The following FRK variants were observed in gnomAD, a reference collection of about 807,000 sequenced individuals.
The protein encoded by FRK is tyrosine-protein kinase FRK.
In FRK, 51 loss-of-function variants were observed where a neutral mutation model predicts 56.4. The ratio of observed to expected loss-of-function variants is 0.90; its 90% CI spans 0.72 to 1.14. The LOEUF (loss-of-function observed/expected upper bound fraction) is 1.14, where lower values mean the gene tolerates loss of function less well. FRK is among the 50% of genes most tolerant of loss of function. The pLI, the probability that FRK is intolerant of heterozygous loss-of-function variation, is 0.00. For synonymous variants in FRK, 245 were observed against 217.9 expected, an observed-to-expected ratio of 1.12 and a Z score of -1.10; for missense variants, 570 against 601.4, an observed-to-expected ratio of 0.95 and a Z score of 0.55.
chr6:115,991,686 G>A (rs1234059440), intron 2 of FRK, among the ~76,000 whole-genome samples: 1 of 151,730 alleles, frequency 6.6e-6, no homozygotes, highest in Non-Finnish European at 1.5e-5. Context: ...GTATTTTGTT[G>A]AGGATTTTTG....
chr6:115,975,220 T>C (rs1232780310), intron 2 of FRK, among the ~76,000 whole-genome samples: 1 of 152,154 alleles, frequency 6.6e-6, no homozygotes, highest in Non-Finnish European at 1.5e-5. Flanking sequence ...AATTTCTTGA[T>C]TTTTAAAATA....
chr6:115,995,017 C>T (rs538467215), intron 2 of FRK, among the ~76,000 whole-genome samples: 2 of 152,274 alleles, frequency 1.3e-5, no homozygotes, highest in Admixed American at 1.3e-4. Flanking sequence ...GGGGCACACA[C>T]TCAGCATGAG....
intron 2 of FRK, among the ~76,000 whole-genome samples, chr6:115,984,193 A>G (rs1204376462): frequency 1.3e-5 from 2 of 152,046 alleles, no homozygotes; most frequent in African/African-American, 4.8e-5. Flanking sequence ...ATCATTGCTT[A>G]TATATTTACC....
chr6:115,958,120 T>C (rs1413049382), intron 4 of FRK, among the ~76,000 whole-genome samples: 1 of 152,188 alleles, frequency 6.6e-6, no homozygotes, highest in Non-Finnish European at 1.5e-5. Context: ...CTACCACTGG[T>C]TTACTCCACA....
intron 2 of FRK, among the ~76,000 whole-genome samples, chr6:115,986,113 A>G (rs1448004782): frequency 6.6e-6 from 1 of 151,736 alleles, no homozygotes. Context: ...CTTTGCCATG[A>G]CTCTCAATTA....
intron 2 of FRK, among the ~76,000 whole-genome samples, chr6:115,984,441 C>T (rs958227100): frequency 2.6e-5 from 4 of 152,000 alleles, no homozygotes; most frequent in African/African-American, 9.7e-5. Flanking sequence ...ATGGCTTAAA[C>T]AGTCTGTTCA....
intron 1 of FRK, among the ~76,000 whole-genome samples, chr6:116,028,741 C>T (rs954155670): frequency 6.6e-6 from 1 of 152,102 alleles, no homozygotes; most frequent in Non-Finnish European, 1.5e-5. Flanking sequence ...ATGGTCTCCT[C>T]CTAACTAACT....
chr6:116,095,237 G>A, the FRK span, among the ~76,000 whole-genome samples: 9 of 152,218 alleles, frequency 5.9e-5, no homozygotes, highest in African/African-American at 1.9e-4. Flanking sequence ...AAGGGAAAAC[G>A]ACACCATGGG....
chr6:116,066,557 G>A, the FRK span, among the ~76,000 whole-genome samples: 1 of 152,016 alleles, frequency 6.6e-6, no homozygotes, highest in Non-Finnish European at 1.5e-5. Context: ...ATATCAATCA[G>A]ACCTGTGTTT....
chr6:115,955,275 A>T (rs1237216856), intron 5 of FRK, among the ~76,000 whole-genome samples: 2 of 152,028 alleles, frequency 1.3e-5, no homozygotes, highest in Non-Finnish European at 2.9e-5. Flanking sequence ...AATGAAGGAA[A>T]TGTTTCCAGG....
upstream of FRK, among the ~76,000 whole-genome samples, chr6:116,061,407 C>T (rs1777620073): frequency 1.3e-5 from 2 of 150,930 alleles, no homozygotes; most frequent in Admixed American, 1.3e-4. Context: ...GAAACACACA[C>T]ACACACACAC....
intron 2 of FRK, among the ~76,000 whole-genome samples, chr6:115,979,506 A>C (rs551356180): frequency 6.6e-6 from 1 of 152,280 alleles, no homozygotes; most frequent in Non-Finnish European, 1.5e-5. Flanking sequence ...TAGTAAGCTA[A>C]AGTTCATTTA....
intron 2 of FRK, among the ~76,000 whole-genome samples, chr6:115,977,838 C>T (rs934625090): frequency 6.6e-6 from 1 of 152,124 alleles, no homozygotes; most frequent in Non-Finnish European, 1.5e-5. Context: ...AAACCAACTC[C>T]TTATCAAAAC....
At chr6:116,038,766 C>T (rs1393487329) in intron 1 of FRK, 6 of 490,708 alleles carry the variant, frequency 1.2e-5, no homozygotes, top group Non-Finnish European at 2.1e-5. Context: ...ATGGCGACCT[C>T]CAGGAAGTTC....
chr6:116,030,307 C>A (rs1238701472), intron 1 of FRK, among the ~76,000 whole-genome samples: 1 of 152,116 alleles, frequency 6.6e-6, no homozygotes, highest in Non-Finnish European at 1.5e-5. Flanking sequence ...CCTGACCACT[C>A]GTGGTTTTGC....
At chr6:115,990,512 C>G (rs1001522710) in intron 2 of FRK, among the ~76,000 whole-genome samples, 1 of 151,872 alleles carries the variant, frequency 6.6e-6, no homozygotes, top group South Asian at 2.1e-4. Flanking sequence ...TTTCCCAGCA[C>G]AATATATTGC....
At chr6:116,025,897 C>T (rs566994840) in intron 1 of FRK, among the ~76,000 whole-genome samples, 20 of 152,210 alleles carry the variant, frequency 1.3e-4, no homozygotes, top group African/African-American at 4.8e-4. Context: ...TGTTGCATGG[C>T]CTCTGGCCTC....
chr6:116,027,928 G>T (rs1015878958), intron 1 of FRK, among the ~76,000 whole-genome samples: 6 of 152,072 alleles, frequency 3.9e-5, no homozygotes, highest in Middle Eastern at 3.4e-3. Flanking sequence ...ACAAAGTCAG[G>T]GTTCAGAGGA....
At chr6:115,950,546 A>G (rs1772698020) in intron 5 of FRK, among the ~76,000 whole-genome samples, 1 of 152,220 alleles carries the variant, frequency 6.6e-6, no homozygotes, top group African/African-American at 2.4e-5. Context: ...GTGGAGAAAG[A>G]GGAATGCTTT....
Sources: gnomAD v4.1 joint callset for allele counts (sites outside exome capture counted in the v4.1 genomes callset) on GRCh38, gnomAD v4.1.1 for gene constraint, MANE v1.5 for transcripts, NCBI Gene and HGNC (gene_info 2026-07-23, HGNC 2026-07-21) for gene names.